SCN8A: variants seen among roughly 807,000 people sequenced by gnomAD.
SCN8A encodes sodium channel protein type 8 subunit alpha.
Under a neutral mutation model 184.1 loss-of-function variants are expected in SCN8A, and 30 were observed. The observed-to-expected ratio is 0.16, with a 90% CI of 0.12 to 0.22. SCN8A has a LOEUF of 0.22. Among genes scored for constraint, SCN8A ranks in the 10% least tolerant of loss-of-function variants. The pLI is 1.00. For synonymous variants in SCN8A, 852 were observed against 907.0 expected (o/e 0.94, Z 1.09); for missense variants, 1,057 against 2,498.9 (o/e 0.42, Z 12.30).
At chr12:51,721,097 A>ATATATATAATATTTATTTATTGT (rs1565899348) in intron 11 of SCN8A, among the ~76,000 whole-genome samples, 4 of 117,166 alleles carry the variant, frequency 3.4e-5, no homozygotes, top group African/African-American at 1.4e-4. Context: ...ATATATATAT[A>ATATATATAATATTTATTTATTGT]TATATATATA....
intron 1 of SCN8A, among the ~76,000 whole-genome samples, chr12:51,639,104 G>A (rs1369672701): frequency 1.3e-5 from 2 of 151,718 alleles, no homozygotes; most frequent in African/African-American, 4.8e-5. Flanking sequence ...CCAGCCTACA[G>A]CATAGCTGGG....
In SCN8A at chr12:51,706,966, A is replaced by G. The variant is rs116880453; in HGVS notation, c.1635+251A>G. Among the ~76,000 whole-genome samples, 4,346 of 152,102 alleles carry G rather than the reference A, an allele frequency of 0.029. 101 individuals are homozygous for G. Among genetic ancestry groups the G allele is most frequent in the Non-Finnish European group, 0.043 (2,955 of 67,980 alleles). ...CCACGTATGAGTGAGAACATGCTAC[A>G]TTTGTCTTTCTGTGCTTGGCTTATT... On this transcript the variant is annotated intron_variant, in intron 11 of 26. Transcript: ENST00000627620.
intron 1 of SCN8A, among the ~76,000 whole-genome samples, chr12:51,615,066 A>G (rs1939805136): frequency 6.6e-6 from 1 of 152,054 alleles, no homozygotes; most frequent in Non-Finnish European, 1.5e-5. Flanking sequence ...GTAGTTATTA[A>G]TATGTTTGGG....
chr12:51,794,884 GAA>G (rs987820898), intron 26 of SCN8A, among the ~76,000 whole-genome samples: 1 of 149,394 alleles, frequency 6.7e-6, no homozygotes, highest in South Asian at 2.1e-4. Context: ...AGGGAAAAAA[GAA>G]AAAAAAAGAA....
intron 1 of SCN8A, among the ~76,000 whole-genome samples, chr12:51,600,665 G>T (rs1323401263): frequency 6.6e-6 from 1 of 152,180 alleles, no homozygotes; most frequent in African/African-American, 2.4e-5. Flanking sequence ...AACTCAGGGA[G>T]CTTGGGTTCT....
At chr12:51,635,957 C>A (rs1940307048) in intron 1 of SCN8A, among the ~76,000 whole-genome samples, 1 of 152,166 alleles carries the variant, frequency 6.6e-6, no homozygotes, top group African/African-American at 2.4e-5. Context: ...CTAATCACTG[C>A]CTTTCCCCAA....
intron 21 of SCN8A, 96 bp from the exon 22 acceptor site, chr12:51,786,446 G>C: frequency 1.5e-6 from 2 of 1,359,632 alleles, no homozygotes; most frequent in Non-Finnish European, 2.1e-6. Context: ...TTTCCATACA[G>C]AACAAGCCAC....
intron 12 of SCN8A, among the ~76,000 whole-genome samples, chr12:51,734,857 C>T (rs2138807541): frequency 6.6e-6 from 1 of 152,352 alleles, no homozygotes; most frequent in South Asian, 2.1e-4. Flanking sequence ...ATTGAAATCA[C>T]AGAGCTTCCA....
intron 1 of SCN8A, among the ~76,000 whole-genome samples, chr12:51,651,543 T>C (rs998591120): frequency 6.6e-6 from 1 of 152,136 alleles, no homozygotes; most frequent in African/African-American, 2.4e-5. Context: ...AATGAAAAGA[T>C]GCAAAAGCAG....
At chr12:51,619,132 T>G (rs1939907985) in intron 1 of SCN8A, among the ~76,000 whole-genome samples, 1 of 152,182 alleles carries the variant, frequency 6.6e-6, no homozygotes, top group African/African-American at 2.4e-5. Flanking sequence ...AAAATGGCAG[T>G]GTACTGTACA....
intron 1 of SCN8A, among the ~76,000 whole-genome samples, chr12:51,648,972 A>C (rs1176359698): frequency 6.6e-6 from 1 of 152,234 alleles, no homozygotes; most frequent in East Asian, 1.9e-4. Context: ...TGTAAAATCA[A>C]AAGCAAGCTA....
rs186722305 is a variant in SCN8A, at chr12:51,650,940, A to G, written c.-54-11824A>G. On this transcript the variant is annotated intron_variant, in intron 1 of 26. Transcript: ENST00000627620. The stretch of plus-strand genomic sequence containing the variant: ...CAAGCCAGTCATTAGCGTTGTTTCT[A>G]TAGATATTAAATTAACTAAAAGTAT... Among the ~76,000 whole-genome samples the G allele has an allele frequency of 9.8e-5, 15 of 152,336 alleles. 1 individual carries two copies. The East Asian group carries it at 2.7e-3, about 27-fold the overall frequency.
Position 51,665,189 on chromosome 12 carries a change from T to G in SCN8A, c.276+2096T>G, listed in dbSNP as rs570985030. Among the ~76,000 whole-genome samples the G allele has an allele frequency of 2.8e-4, 43 of 152,382 alleles. No individual in the cohort carries two copies. The South Asian group carries it at 8.7e-3, about 31-fold the overall frequency. Reference sequence around the variant, plus strand: ...CCTGGTTCCTGCTCTATAGACAGCCTCTTTCCATTCCCAATGCCTCAGATT... The same window carrying G: ...CCTGGTTCCTGCTCTATAGACAGCCGCTTTCCATTCCCAATGCCTCAGATT... On this transcript the variant is annotated intron_variant, in intron 2 of 26. Transcript: ENST00000627620.
At chr12:51,676,640 C>T (rs1941227435) in intron 2 of SCN8A, among the ~76,000 whole-genome samples, 1 of 152,040 alleles carries the variant, frequency 6.6e-6, no homozygotes, top group South Asian at 2.1e-4. Flanking sequence ...GAATTTAAGG[C>T]CAGAGAAGTT....
intron 12 of SCN8A, among the ~76,000 whole-genome samples, chr12:51,734,414 T>G (rs932051227): frequency 3.9e-5 from 6 of 152,220 alleles, no homozygotes; most frequent in Admixed American, 3.9e-4. Flanking sequence ...AAAGTATCCC[T>G]TATGGGAAAA....
In SCN8A at chr12:51,731,900, A is replaced by G. The variant is rs1040029939; in HGVS notation, c.1998+9992A>G. 4.6e-5 allele frequency among the ~76,000 whole-genome samples: 7 copies of G among 152,262 alleles called. No homozygotes were observed. The East Asian group carries it at 9.6e-4, about 21-fold the overall frequency. ...GAAATGTCTATTCAAATCTTTTGCC[A>G]GTTTTTAAATTGGATTATTCTGTTT... On this transcript the variant is annotated intron_variant, in intron 12 of 26. Coordinates refer to ENST00000627620, the MANE Select transcript of SCN8A (RefSeq NM_001330260.2).
chr12:51,643,435 T>C (rs1940498363), intron 1 of SCN8A, among the ~76,000 whole-genome samples: 1 of 152,208 alleles, frequency 6.6e-6, no homozygotes, highest in Non-Finnish European at 1.5e-5. Flanking sequence ...TTCATAGGTA[T>C]TACACCTGCT....
intron 1 of SCN8A, among the ~76,000 whole-genome samples, chr12:51,634,737 C>T (rs1245940702): frequency 6.6e-6 from 1 of 150,710 alleles, no homozygotes; most frequent in African/African-American, 2.4e-5. Context: ...CAACCTCCTC[C>T]TCCTGGGTTC....
At chr12:51,732,353 C>T (rs1022120451) in intron 12 of SCN8A, among the ~76,000 whole-genome samples, 18 of 152,060 alleles carry the variant, frequency 1.2e-4, no homozygotes, top group Admixed American at 6.6e-5. Context: ...TTATTCTTGG[C>T]GCTTTTGCTG....
Sources: allele counts gnomAD v4.1 joint callset (sites outside exome capture counted in the v4.1 genomes callset), GRCh38; gene constraint gnomAD v4.1.1; transcripts MANE v1.5; gene names NCBI Gene and HGNC (gene_info 2026-07-23, HGNC 2026-07-21).